Variants in SSH2 observed in about 807,000 individuals in gnomAD.
SSH2 encodes slingshot protein phosphatase 2.
A neutral mutation model predicts 135.2 loss-of-function variants in SSH2; 37 were observed. The observed-to-expected ratio is 0.27, with a 90% confidence interval of 0.21 to 0.36. The LOEUF is 0.36. SSH2 is among the 10% of genes least tolerant of loss of function. SSH2 has a pLI of 1.00. For missense variants in SSH2, 1,408 were observed against 1,765.3 expected, an observed-to-expected ratio of 0.80 and a Z score of 3.63; for synonymous variants, 628 against 646.2, an observed-to-expected ratio of 0.97 and a Z score of 0.43.
At chr17:29,706,818 C>T (rs2039219273) in intron 3 of SSH2, among the ~76,000 whole-genome samples, 1 of 152,146 alleles carries the variant, frequency 6.6e-6, no homozygotes, top group Non-Finnish European at 1.5e-5. Flanking sequence ...TTCAGTCACT[C>T]CTTTTGTGAG....
At chr17:29,790,033 T>C (rs2042036820) in intron 3 of SSH2, among the ~76,000 whole-genome samples, 1 of 152,128 alleles carries the variant, frequency 6.6e-6, no homozygotes, top group Non-Finnish European at 1.5e-5. Flanking sequence ...GATATAAAAC[T>C]TTGGACTTTA....
intron 1 of SSH2, among the ~76,000 whole-genome samples, chr17:29,913,309 C>T (rs1417123345): frequency 1.7e-5 from 1 of 59,052 alleles, no homozygotes; most frequent in East Asian, 5.6e-4. Context: ...CAGAGCGAGA[C>T]GCCATCTCAA....
At chr17:29,741,207 T>A (rs2040543564) in intron 3 of SSH2, among the ~76,000 whole-genome samples, 1 of 152,238 alleles carries the variant, frequency 6.6e-6, no homozygotes, top group Non-Finnish European at 1.5e-5. Context: ...TTATTTATAA[T>A]TTCAGAAGCA....
intron 11 of SSH2, among the ~76,000 whole-genome samples, chr17:29,656,349 G>T (rs969846161): frequency 1.3e-5 from 2 of 151,962 alleles, no homozygotes; most frequent in Non-Finnish European, 2.9e-5. Flanking sequence ...GCTGATTTTT[G>T]TATTTTTTAG....
At chr17:29,736,050 T>C (rs772567230) in intron 3 of SSH2, among the ~76,000 whole-genome samples, 24 of 152,012 alleles carry the variant, frequency 1.6e-4, no homozygotes, top group Non-Finnish European at 2.9e-4. Context: ...TGAGCCGAGA[T>C]TGCGCCACTG....
intron 3 of SSH2, chr17:29,716,344 GA>G: frequency 2.2e-6 from 1 of 460,454 alleles, no homozygotes. Flanking sequence ...CGTGCTTCAG[GA>G]AGCTGTCTTG....
At chr17:29,682,344 C>T (rs947773710) in intron 6 of SSH2, among the ~76,000 whole-genome samples, 1 of 152,128 alleles carries the variant, frequency 6.6e-6, no homozygotes, top group Non-Finnish European at 1.5e-5. Flanking sequence ...ACAGTGCTGT[C>T]CAACTGAACT....
chr17:29,805,049 A>C (rs930117831), intron 2 of SSH2, among the ~76,000 whole-genome samples: 1 of 151,560 alleles, frequency 6.6e-6, no homozygotes, highest in African/African-American at 2.4e-5. Flanking sequence ...ACAGGCATGC[A>C]ATATGGAAAC....
chr17:29,666,053 T>C (rs2037257945), intron 11 of SSH2, among the ~76,000 whole-genome samples: 5 of 152,134 alleles, frequency 3.3e-5, no homozygotes, highest in Admixed American at 2.0e-4. Context: ...ATCATCCTAT[T>C]TGGGGCCAGG....
intron 1 of SSH2, among the ~76,000 whole-genome samples, chr17:29,893,604 T>A (rs1451763613): frequency 5.9e-5 from 9 of 152,282 alleles, no homozygotes; most frequent in African/African-American, 2.2e-4. Flanking sequence ...TCCAGAACTG[T>A]GAGAAATAAA....
intron 1 of SSH2, among the ~76,000 whole-genome samples, chr17:29,889,852 C>G (rs1398124597): frequency 6.9e-6 from 1 of 145,630 alleles, no homozygotes; most frequent in Non-Finnish European, 1.5e-5. Context: ...AGATCAGACA[C>G]CAAGACTGGG....
At chr17:29,654,405 T>G (rs2036701859) in intron 12 of SSH2, among the ~76,000 whole-genome samples, 1 of 152,046 alleles carries the variant, frequency 6.6e-6, no homozygotes, top group Non-Finnish European at 1.5e-5. Flanking sequence ...TGTTCCAAGT[T>G]CATTTGGCCA....
At chr17:29,660,972 A>T (rs1387056131) in intron 11 of SSH2, among the ~76,000 whole-genome samples, 1 of 151,484 alleles carries the variant, frequency 6.6e-6, no homozygotes. Flanking sequence ...GAGGTATGAG[A>T]ATCACTTGAA....
intron 5 of SSH2, among the ~76,000 whole-genome samples, chr17:29,692,139 C>CA (rs1246764158): frequency 1.1e-4 from 15 of 134,460 alleles, no homozygotes; most frequent in African/African-American, 2.6e-4. Context: ...GACTCTGTCT[C>CA]AAAAAAATAA....
Position 29,632,764 on chromosome 17 carries a change from G to A in SSH2, c.2430C>T (p.Asn810=), listed in dbSNP as rs1254134279. ...TCTCAAGGAGCAGCTCATGGATGCT[G>A]TTCTTCTTTGGTGTATGGCATGGGT... The part of the protein sequence containing the change: ...LPNPCHTPKK[N]SIHELLLERA... The change falls in exon 16 of 16, where the codon AAC becomes AAT. Residue 810 remains asparagine (N), a synonymous_variant. Coordinates refer to ENST00000540801, the MANE Select transcript of SSH2 (RefSeq NM_001282129.2). 4 of 1,614,138 alleles carry A rather than the reference G, an allele frequency of 2.5e-6. No homozygotes were observed. Among genetic ancestry groups the A allele is most frequent in the Non-Finnish European group, 3.4e-6 (4 of 1,179,966 alleles).
At chr17:29,890,297 C>G (rs1419689019) in intron 1 of SSH2, among the ~76,000 whole-genome samples, 1 of 152,098 alleles carries the variant, frequency 6.6e-6, no homozygotes, top group Non-Finnish European at 1.5e-5. Flanking sequence ...TCTAGCAATC[C>G]CACTCCTAGG....
At chr17:29,715,703 C>T (rs1439851906) in intron 3 of SSH2, among the ~76,000 whole-genome samples, 2 of 152,114 alleles carry the variant, frequency 1.3e-5, no homozygotes, top group Non-Finnish European at 2.9e-5. Context: ...CATTACCTGA[C>T]ACTAAATAAA....
At chr17:29,891,374 A>C (rs977468810) in intron 1 of SSH2, among the ~76,000 whole-genome samples, 8 of 152,216 alleles carry the variant, frequency 5.3e-5, no homozygotes, top group African/African-American at 1.4e-4. Context: ...TTTGCTACAA[A>C]TAGTTCTCTG....
At chr17:29,747,855 G>A (rs191131592) in intron 3 of SSH2, among the ~76,000 whole-genome samples, 10 of 152,320 alleles carry the variant, frequency 6.6e-5, no homozygotes, top group Admixed American at 5.9e-4. Context: ...ATGATCTACA[G>A]CAGTTTCAGC....
Sources: allele counts gnomAD v4.1 joint callset (sites outside exome capture counted in the v4.1 genomes callset), GRCh38; gene constraint gnomAD v4.1.1; transcripts MANE v1.5; gene names NCBI Gene and HGNC (gene_info 2026-07-23, HGNC 2026-07-21).